The following ELMO1 variants were observed in gnomAD, a reference collection of about 807,000 sequenced individuals.
ELMO1 encodes the protein engulfment and cell motility 1, also known as engulfment and cell motility protein 1.
In ELMO1, 26 loss-of-function variants were observed where a neutral mutation model predicts 98.9. The observed-to-expected ratio is 0.26, with a 90% CI of 0.19 to 0.36. The LOEUF (loss-of-function observed/expected upper bound fraction) is 0.36, where lower values mean the gene tolerates loss of function less well. Ranked by LOEUF, ELMO1 falls within the 10% of genes least tolerant of loss-of-function variation. The probability of loss-of-function intolerance (pLI) is 1.00; values close to 1 mark genes in which losing one functional copy is unlikely to be tolerated. For missense variants in ELMO1, 627 were observed against 935.2 expected, an observed-to-expected ratio of 0.67 and a Z score of 4.30; for synonymous variants, 346 against 346.0, an observed-to-expected ratio of 1.00 and a Z score of 0.00.
At chr7:37,133,944 A>G (rs1787094121) in intron 13 of ELMO1, among the ~76,000 whole-genome samples, 1 of 152,134 alleles carries the variant, frequency 6.6e-6, no homozygotes, top group African/African-American at 2.4e-5. Context: ...ATCCAATTTA[A>G]AAGTGGGCAA....
At chr7:37,305,950 A>G (rs1263325244) in intron 4 of ELMO1, among the ~76,000 whole-genome samples, 2 of 152,220 alleles carry the variant, frequency 1.3e-5, no homozygotes, top group African/African-American at 4.8e-5. Flanking sequence ...TACCTGTAGC[A>G]GCAGAGAGGA....
At chr7:37,067,654 CTATTAACTTTAGAA>C (rs1797055597) in intron 15 of ELMO1, among the ~76,000 whole-genome samples, 1 of 151,984 alleles carries the variant, frequency 6.6e-6, no homozygotes, top group Admixed American at 6.6e-5. Context: ...TAAGTTATCT[CTATTAACTTTAGAA>C]TTATAAAATT....
chr7:36,996,228 A>C (rs1031395620), intron 16 of ELMO1, among the ~76,000 whole-genome samples: 6 of 152,164 alleles, frequency 3.9e-5, no homozygotes, highest in African/African-American at 1.4e-4. Flanking sequence ...TTTTCCTGTC[A>C]TAGCCACACA....
chr7:37,061,372 C>G (rs1796657182), intron 15 of ELMO1, among the ~76,000 whole-genome samples: 1 of 152,158 alleles, frequency 6.6e-6, no homozygotes, highest in African/African-American at 2.4e-5. Flanking sequence ...AAGGCACGTT[C>G]TAGAGAGAAG....
At chr7:37,285,111 G>A (rs1256584304) in intron 4 of ELMO1, among the ~76,000 whole-genome samples, 1 of 152,186 alleles carries the variant, frequency 6.6e-6, no homozygotes, top group African/African-American at 2.4e-5. Flanking sequence ...GCTTTCCTCT[G>A]ACAAGTTTCT....
chr7:36,930,587 A>G (rs1254581451), intron 16 of ELMO1, among the ~76,000 whole-genome samples: 5 of 152,236 alleles, frequency 3.3e-5, no homozygotes, highest in Non-Finnish European at 1.5e-5. Flanking sequence ...TGCTCCTCAA[A>G]AGAGTAGTCA....
intron 15 of ELMO1, among the ~76,000 whole-genome samples, chr7:37,083,469 TACTC>T (rs895606630): frequency 2.6e-5 from 4 of 152,048 alleles, no homozygotes; most frequent in African/African-American, 7.2e-5. Context: ...TCATTCTCCT[TACTC>T]ACTCTATAAA....
intron 1 of ELMO1, among the ~76,000 whole-genome samples, chr7:37,394,758 G>A (rs907187903): frequency 5.9e-5 from 9 of 152,170 alleles, no homozygotes; most frequent in Non-Finnish European, 4.4e-5. Context: ...GGGCTTCTGG[G>A]TTAAGTGCAT....
At chr7:37,173,699 A>G (rs1257159417) in intron 13 of ELMO1, among the ~76,000 whole-genome samples, 1 of 152,246 alleles carries the variant, frequency 6.6e-6, no homozygotes, top group Non-Finnish European at 1.5e-5. Flanking sequence ...CTTCTTGATC[A>G]AAGCCTGTTA....
chr7:37,156,854 G>C (rs1254795266), intron 13 of ELMO1, among the ~76,000 whole-genome samples: 2 of 151,998 alleles, frequency 1.3e-5, no homozygotes, highest in South Asian at 2.1e-4. Context: ...GCCTGGTGGA[G>C]ACAAAACAAA....
chr7:37,116,471 A>T (rs1785597773), intron 14 of ELMO1, among the ~76,000 whole-genome samples: 2 of 152,198 alleles, frequency 1.3e-5, no homozygotes, highest in South Asian at 4.1e-4. Flanking sequence ...AAACCACAAC[A>T]GTTACTGTGA....
intron 2 of ELMO1, among the ~76,000 whole-genome samples, chr7:37,331,542 C>A (rs1800123775): frequency 6.6e-6 from 1 of 151,830 alleles, no homozygotes; most frequent in Non-Finnish European, 1.5e-5. Flanking sequence ...CACCTGTTCA[C>A]AATTTATACC....
intron 16 of ELMO1, among the ~76,000 whole-genome samples, chr7:36,926,864 C>T (rs1785617534): frequency 6.6e-6 from 1 of 152,104 alleles, no homozygotes; most frequent in Non-Finnish European, 1.5e-5. Context: ...ATGTGTTCTG[C>T]TTTTTGCATT....
chr7:37,324,405 G>GAA (rs10632648), intron 2 of ELMO1, among the ~76,000 whole-genome samples: 72,774 of 151,688 alleles, frequency 0.48, 18,153 homozygotes, highest in Non-Finnish European at 0.56. Flanking sequence ...GCATCACCCA[G>GAA]AAAAAAAAGG....
intron 16 of ELMO1, among the ~76,000 whole-genome samples, chr7:36,994,343 G>A (rs888089875): frequency 6.6e-6 from 1 of 151,998 alleles, no homozygotes; most frequent in Non-Finnish European, 1.5e-5. Context: ...ATGTGCTATG[G>A]CTATTGCACA....
At chr7:36,990,690 G>C (rs1791816274) in intron 16 of ELMO1, among the ~76,000 whole-genome samples, 1 of 151,984 alleles carries the variant, frequency 6.6e-6, no homozygotes, top group East Asian at 1.9e-4. Context: ...CTTTCCATAA[G>C]CATGATTTAT....
intron 15 of ELMO1, among the ~76,000 whole-genome samples, chr7:37,078,246 G>A (rs578137600): frequency 6.6e-6 from 1 of 152,270 alleles, no homozygotes; most frequent in African/African-American, 2.4e-5. Context: ...TATGAAGGAA[G>A]GGACCCACAA....
chr7:37,008,869 T>A (rs145643448), intron 16 of ELMO1, among the ~76,000 whole-genome samples: 21 of 152,254 alleles, frequency 1.4e-4, no homozygotes, highest in African/African-American at 4.6e-4. Context: ...CCTTTAATGA[T>A]CAAATCTACC....
At chr7:37,005,380 G>A (rs147959618) in intron 16 of ELMO1, among the ~76,000 whole-genome samples, 28 of 151,844 alleles carry the variant, frequency 1.8e-4, no homozygotes, top group Non-Finnish European at 2.6e-4. Context: ...AGACCACCAC[G>A]GCAGCACACT....
Sources: allele counts gnomAD v4.1 joint callset (sites outside exome capture counted in the v4.1 genomes callset), GRCh38; gene constraint gnomAD v4.1.1; transcripts MANE v1.5; gene names NCBI Gene and HGNC (gene_info 2026-07-23, HGNC 2026-07-21).